The following FAM83A variants were observed in gnomAD, a reference collection of about 807,000 sequenced individuals.
FAM83A encodes the protein protein FAM83A.
In FAM83A, 21 loss-of-function variants were observed where a neutral mutation model predicts 24.4. That is an observed-to-expected ratio of 0.86 (90% CI 0.61 to 1.24). The LOEUF (loss-of-function observed/expected upper bound fraction) is 1.24. Among genes scored for constraint, FAM83A ranks in the 50% most tolerant of loss-of-function variants. The pLI is 0.00. For missense variants in FAM83A, 617 were observed against 579.8 expected, an observed-to-expected ratio of 1.06 and a Z score of -0.66; for synonymous variants, 270 against 252.4, an observed-to-expected ratio of 1.07 and a Z score of -0.66.
chr8:123,183,878 TAGAGA>T (rs950336760), intron 1 of FAM83A, among the ~76,000 whole-genome samples: 1 of 151,960 alleles, frequency 6.6e-6, no homozygotes, highest in African/African-American at 2.4e-5. Flanking sequence ...GTATTTTTAG[TAGAGA>T]AGAGGTTTCA....
chr8:123,207,084 C>T, intron 3 of FAM83A, 73 bp from the exon 4 acceptor site: 1 of 569,380 alleles, frequency 1.8e-6, no homozygotes, highest in East Asian at 5.1e-5. Context: ...TCCTCCCCTC[C>T]CCCTCCTCCT....
At chr8:123,194,761 G>A (rs1161021452) in intron 3 of FAM83A, among the ~76,000 whole-genome samples, 1 of 152,172 alleles carries the variant, frequency 6.6e-6, no homozygotes, top group East Asian at 1.9e-4. Context: ...GAGATTAGAG[G>A]CGTGAGCCAC....
At chr8:123,183,023 A>G in exon 1 of FAM83A, 3 of 1,606,614 alleles carry the variant, frequency 1.9e-6, no homozygotes, top group Non-Finnish European at 2.6e-6. Context: ...GTGCTCAGCC[A>G]GGAAGGCGAG....
At chr8:123,204,618 C>T (rs963667402) in intron 3 of FAM83A, among the ~76,000 whole-genome samples, 3 of 151,424 alleles carry the variant, frequency 2.0e-5, no homozygotes, top group African/African-American at 4.9e-5. Context: ...AAAAATTAGC[C>T]GGGCATGGTG....
chr8:123,207,761 G>C, exon 4 of FAM83A: 2 of 1,411,254 alleles, frequency 1.4e-6, no homozygotes, highest in Non-Finnish European at 9.2e-7. Flanking sequence ...CCACCTCAAC[G>C]ACGAGTGGCG....
chr8:123,195,480 A>T (rs922269419), intron 3 of FAM83A, among the ~76,000 whole-genome samples: 1 of 152,114 alleles, frequency 6.6e-6, no homozygotes, highest in African/African-American at 2.4e-5. Flanking sequence ...CTGAAATTCC[A>T]CTTTTAATGA....
At chr8:123,191,726 A>C (rs1241379656) in intron 1 of FAM83A, 77 bp from the exon 2 acceptor site, 1 of 1,509,736 alleles carries the variant, frequency 6.6e-7, no homozygotes, top group Non-Finnish European at 9.1e-7. Context: ...GCCCACTGGG[A>C]CTCAGGCAGT....
chr8:123,194,122 G>T, exon 3 of FAM83A: 1 of 1,614,070 alleles, frequency 6.2e-7, no homozygotes, highest in Non-Finnish European at 8.5e-7. Context: ...TCTCGGACTG[G>T]AGATTTGTCC....
At chr8:123,190,053 G>C (rs529186579) in intron 1 of FAM83A, among the ~76,000 whole-genome samples, 1 of 152,142 alleles carries the variant, frequency 6.6e-6, no homozygotes, top group African/African-American at 2.4e-5. Context: ...TGGAGCAGGT[G>C]GGGTGGCTCA....
chr8:123,179,319 G>A (rs1823539867), upstream of FAM83A: 2 of 152,178 alleles, frequency 1.3e-5, no homozygotes. Flanking sequence ...GAGCGGGTTT[G>A]TTAAAATGAG....
At chr8:123,198,072 A>G (rs1824221318) in intron 3 of FAM83A, among the ~76,000 whole-genome samples, 3 of 152,180 alleles carry the variant, frequency 2.0e-5, no homozygotes, top group Admixed American at 2.0e-4. Context: ...CGTAGGCTGC[A>G]GTGAGCAGAG....
At chr8:123,204,259 A>C (rs1352063560) in intron 3 of FAM83A, among the ~76,000 whole-genome samples, 5 of 152,096 alleles carry the variant, frequency 3.3e-5, no homozygotes, top group Admixed American at 2.0e-4. Context: ...CCCCCAAAAA[A>C]ATTTTTTTAA....
In FAM83A at chr8:123,191,874, G is replaced by C. The variant is rs753464344; in HGVS notation, c.552G>C (p.Lys184Asn). ...GTGACATTCTAGAGGCAGCCAACAAGCGTGGGGTGTTCGTTTGTGTGCTCC... is the reference window on the plus strand; with the variant it reads ...GTGACATTCTAGAGGCAGCCAACAACCGTGGGGTGTTCGTTTGTGTGCTCC... Residue 184 changes from lysine to asparagine, a missense_variant, in exon 2 of 4, where the codon AAG (lysine) becomes AAC (asparagine). Lys to Asn is a moderately conservative substitution (Grantham distance 94). Coordinates refer to ENST00000690554, the Ensembl canonical transcript of FAM83A. 2 of 1,614,194 alleles carry C rather than the reference G, an allele frequency of 1.2e-6. No homozygotes were observed. Among genetic ancestry groups the C allele is most frequent in the Non-Finnish European group, 8.5e-7 (1 of 1,180,042 alleles).
chr8:123,207,103 C>A, intron 3 of FAM83A, 54 bp from the exon 4 acceptor site: 1 of 1,124,100 alleles, frequency 8.9e-7, no homozygotes, highest in Non-Finnish European at 1.2e-6. Context: ...CTCCACTTCC[C>A]CTCCCCATCC....
At position 123,209,727 on chromosome 8, in the gene FAM83A, C is replaced by A. The variant is rs945767016; in HGVS notation, c.*2039C>A. The A allele has an allele frequency of 4.7e-5, 31 of 653,678 alleles. No individual in the cohort carries two copies. Among genetic ancestry groups the A allele is most frequent in the Non-Finnish European group, 6.7e-5 (26 of 385,276 alleles). 40.5% of individuals were successfully genotyped at this position (653,678 alleles called of 1,614,324 possible). On this transcript the variant is annotated 3_prime_UTR_variant, in exon 4 of 4. Coordinates refer to ENST00000690554, the Ensembl canonical transcript of FAM83A. The surrounding 1 kb of genome is among the most constrained non-coding windows in gnomAD (Gnocchi z 4.7). The stretch of plus-strand genomic sequence containing the variant: ...GGAGAACCTGCAGGCAGGAACAAGC[C>A]CCCCTACTCCTGACCACCCTCCATC...
chr8:123,187,266 G>A (rs1194855406), intron 1 of FAM83A, among the ~76,000 whole-genome samples: 1 of 152,160 alleles, frequency 6.6e-6, no homozygotes, highest in Non-Finnish European at 1.5e-5. Flanking sequence ...TGAGAGCAGC[G>A]GTTCCCAAAG....
At chr8:123,207,383 C>A in exon 4 of FAM83A, 1 of 1,611,618 alleles carries the variant, frequency 6.2e-7, no homozygotes, top group Non-Finnish European at 8.5e-7. Context: ...GTCCTCCAAC[C>A]CCTTCAGCGG....
exon 2 of FAM83A, chr8:123,191,831 C>T (rs574866560): frequency 3.7e-6 from 6 of 1,614,044 alleles, no homozygotes; most frequent in South Asian, 3.3e-5. Context: ...GATGTGTTCA[C>T]GGATGTGGAG....
At chr8:123,199,282 A>G (rs1225113815) in intron 3 of FAM83A, among the ~76,000 whole-genome samples, 1 of 152,188 alleles carries the variant, frequency 6.6e-6, no homozygotes, top group Non-Finnish European at 1.5e-5. Flanking sequence ...GATATTAATA[A>G]TTATAATTCC....
Sources: allele counts gnomAD v4.1 joint callset (sites outside exome capture counted in the v4.1 genomes callset), GRCh38; gene constraint gnomAD v4.1.1; non-coding constraint Gnocchi (gnomAD v3.1); transcripts MANE v1.5; gene names NCBI Gene and HGNC (gene_info 2026-07-23, HGNC 2026-07-21).